ZNF626: variants seen among roughly 807,000 people sequenced by gnomAD.
ZNF626 encodes zinc finger protein 626.
Under a neutral mutation model 11.7 loss-of-function variants are expected in ZNF626, and 4 were observed. The observed-to-expected ratio is 0.34, with a 90% confidence interval of 0.17 to 0.78. The LOEUF is 0.78. Among genes scored for constraint, ZNF626 ranks in the 30% least tolerant of loss-of-function variants. The pLI is 0.57. For synonymous variants in ZNF626, 179 were observed against 198.6 expected (o/e 0.90, Z 0.83); for missense variants, 588 against 587.1 (o/e 1.00, Z -0.01).
chr19:20,645,453 A>G (rs1555771810), intron 3 of ZNF626: 1 of 1,611,716 alleles, frequency 6.2e-7, no homozygotes, highest in Non-Finnish European at 8.5e-7. Context: ...AGCTCACTGA[A>G]AGAAAAGGAA....
intron 1 of ZNF626, among the ~76,000 whole-genome samples, chr19:20,653,229 CAAT>C (rs1970166971): frequency 6.6e-6 from 1 of 151,980 alleles, no homozygotes; most frequent in Non-Finnish European, 1.5e-5. Context: ...TGTTTGGAAA[CAAT>C]AATTAAAAGA....
chr19:20,626,926 A>T (rs1435161567), intron 3 of ZNF626, among the ~76,000 whole-genome samples: 2 of 152,082 alleles, frequency 1.3e-5, no homozygotes, highest in African/African-American at 4.8e-5. Flanking sequence ...GAGGCCGGAG[A>T]ATTGCTTGAA....
chr19:20,637,273 C>T (rs2144776162), intron 3 of ZNF626, among the ~76,000 whole-genome samples: 1 of 151,904 alleles, frequency 6.6e-6, no homozygotes, highest in South Asian at 2.1e-4. Context: ...AATCACAAGG[C>T]CAGGACTTCG....
chr19:20,633,999 CAAGTT>C (rs1351933829), intron 3 of ZNF626, among the ~76,000 whole-genome samples: 2 of 152,150 alleles, frequency 1.3e-5, no homozygotes, highest in African/African-American at 2.4e-5. Context: ...ACACAAGCTA[CAAGTT>C]AAGTTAAAAA....
chr19:20,645,265 A>G, intron 3 of ZNF626: 2 of 1,439,786 alleles, frequency 1.4e-6, no homozygotes, highest in Non-Finnish European at 1.8e-6. Flanking sequence ...AAAATTCAAC[A>G]GAAACTATTA....
chr19:20,660,336 C>CG (rs60639061), intron 1 of ZNF626, among the ~76,000 whole-genome samples: 1 of 151,224 alleles, frequency 6.6e-6, no homozygotes, highest in Non-Finnish European at 1.5e-5. Context: ...ATGTCCACAT[C>CG]AGTTATTCAC....
intron 1 of ZNF626, among the ~76,000 whole-genome samples, chr19:20,659,522 T>A (rs1970241393): frequency 6.6e-6 from 1 of 152,190 alleles, no homozygotes; most frequent in Non-Finnish European, 1.5e-5. Flanking sequence ...ATTACATGCC[T>A]GAGCCATGGC....
chr19:20,658,700 T>C (rs190906474), intron 1 of ZNF626, among the ~76,000 whole-genome samples: 1 of 152,072 alleles, frequency 6.6e-6, no homozygotes, highest in Admixed American at 6.6e-5. Flanking sequence ...TTGCTGAATA[T>C]CAAACAATTC....
Position 20,624,033 on chromosome 19 carries a change from A to T in ZNF626, c.*257T>A. The T allele has an allele frequency of 1.5e-6, 1 of 683,678 alleles. No homozygotes were observed. Among genetic ancestry groups the T allele is most frequent in the Non-Finnish European group, 2.6e-6 (1 of 383,038 alleles). 42.4% of individuals were successfully genotyped at this position (683,678 alleles called of 1,614,324 possible). A position where few individuals can be genotyped will look rare whatever the true frequency, so the allele number is the denominator to read the frequency against. On this transcript the variant is annotated 3_prime_UTR_variant, in exon 4 of 4. Transcript: ENST00000601440. ...CACATTCACATGGTTTCTCTCCAGT[A>T]TGAATTATCTTATGTGCAGTAAGGT...
chr19:20,658,112 GA>G (rs797035719), intron 1 of ZNF626, among the ~76,000 whole-genome samples: 191 of 142,298 alleles, frequency 1.3e-3, no homozygotes, highest in East Asian at 4.9e-3. Flanking sequence ...GCTAAAAAAA[GA>G]AAAAAAAAAA....
chr19:20,637,672 A>G (rs567767658), intron 3 of ZNF626, among the ~76,000 whole-genome samples: 2 of 152,166 alleles, frequency 1.3e-5, no homozygotes, highest in East Asian at 3.9e-4. Context: ...TTACAAAGAT[A>G]ATATTTATAG....
chr19:20,655,274 T>C (rs1281018017), intron 1 of ZNF626, among the ~76,000 whole-genome samples: 2 of 152,230 alleles, frequency 1.3e-5, no homozygotes, highest in African/African-American at 4.8e-5. Context: ...GTATAAGTAC[T>C]TCAGCCTGCA....
At chr19:20,635,977 A>G (rs1278447085) in intron 3 of ZNF626, among the ~76,000 whole-genome samples, 3 of 152,178 alleles carry the variant, frequency 2.0e-5, no homozygotes, top group Admixed American at 6.5e-5. Context: ...TACTAAAAGT[A>G]CAAAATTAGC....
chr19:20,625,621 A>G lies in ZNF626; in HGVS notation c.256T>C (p.Trp86Arg). Residue 86 changes from tryptophan to arginine, a missense_variant, in exon 4 of 4, where the codon TGG becomes CGG. Physicochemically the swap from Trp to Arg is moderately radical, Grantham distance 101. Around this residue, in one of 4 missense-constraint regions of ZNF626, gnomAD observed 524 missense variants for 470.1 expected, o/e 1.11. Transcript: ENST00000601440. ...VMCSHFAQDL[W>R]PEQSMKDSFQ... The stretch of plus-strand genomic sequence containing the variant: ...GAATCTTTCATGCTCTGCTCTGGCC[A>G]AAGGTCTTGGGCAAAATGAGAACAC... 2 of 1,562,214 alleles carry G rather than the reference A, an allele frequency of 1.3e-6. No homozygotes were observed. Among genetic ancestry groups the G allele is most frequent in the Non-Finnish European group, 1.7e-6 (2 of 1,157,782 alleles).
chr19:20,651,186 CAAAAAA>C (rs34904142), intron 1 of ZNF626, among the ~76,000 whole-genome samples: 2 of 126,940 alleles, frequency 1.6e-5, no homozygotes, highest in Admixed American at 8.2e-5. Flanking sequence ...GACTCCATAT[CAAAAAA>C]AAAAAAAAAA....
At chr19:20,638,722 T>C (rs900696513) in intron 3 of ZNF626, among the ~76,000 whole-genome samples, 1 of 152,030 alleles carries the variant, frequency 6.6e-6, no homozygotes, top group Non-Finnish European at 1.5e-5. Flanking sequence ...AATCTATAAC[T>C]ATAATATTTA....
chr19:20,631,432 T>C lies in ZNF626; in HGVS notation c.227-5782A>G, dbSNP rs1267345800. On this transcript the variant is annotated intron_variant, in intron 3 of 3. Coordinates refer to ENST00000601440, the MANE Select transcript of ZNF626 (RefSeq NM_001076675.3). Reference sequence around the variant, plus strand: ...TTGTGTGGGAGTCTAAGTCTCTTTGTAGGTCACTAAGAACTTGCTTTATGA... The same window carrying C: ...TTGTGTGGGAGTCTAAGTCTCTTTGCAGGTCACTAAGAACTTGCTTTATGA... Among the ~76,000 whole-genome samples the C allele has an allele frequency of 2.6e-4, 40 of 152,028 alleles. 1 individual carries two copies. The highest frequency in any genetic ancestry group is 3.3e-4 in the Admixed American group (5 of 15,250).
intron 1 of ZNF626, among the ~76,000 whole-genome samples, chr19:20,649,606 C>T (rs531040366): frequency 7.9e-5 from 12 of 152,224 alleles, no homozygotes; most frequent in South Asian, 4.2e-4. Flanking sequence ...AGAAGCTGTG[C>T]GGAGGACACA....
rs143492003 is a variant in ZNF626, at chr19:20,630,139, A to G, written c.227-4489T>C. On this transcript the variant is annotated intron_variant, in intron 3 of 3. Transcript: ENST00000601440. ...TCCCAGGGATGAAGCCCATTTGATC[A>G]TGGTGGATAAGCTTTTTTATGTGCT... Among the ~76,000 whole-genome samples, 35 of 152,244 alleles carry G rather than the reference A, an allele frequency of 2.3e-4. 1 individual carries two copies. The East Asian group carries it at 6.8e-3, about 29-fold the overall frequency.
Sources: allele counts gnomAD v4.1 joint callset (sites outside exome capture counted in the v4.1 genomes callset), GRCh38; gene constraint gnomAD v4.1.1; regional missense constraint gnomAD v4.1.1; transcripts MANE v1.5; gene names NCBI Gene and HGNC (gene_info 2026-07-23, HGNC 2026-07-21).